The following TANGO6 variants were observed in gnomAD, a reference collection of about 807,000 sequenced individuals.
The protein encoded by TANGO6 is transport and Golgi organization protein 6 homolog.
Under a neutral mutation model 114.2 loss-of-function variants are expected in TANGO6, and 90 were observed. That is an observed-to-expected ratio of 0.79 (90% confidence interval 0.66 to 0.94). The LOEUF is 0.94. Ranked by LOEUF, TANGO6 falls within the 40% of genes least tolerant of loss-of-function variation. The pLI is 0.00. For synonymous variants in TANGO6, 477 were observed against 509.8 expected (o/e 0.94, Z 0.87); for missense variants, 1,274 against 1,315.3 (o/e 0.97, Z 0.49).
intron 1 of TANGO6, among the ~76,000 whole-genome samples, chr16:68,846,087 G>T (rs62055790): frequency 1.3e-5 from 2 of 151,882 alleles, no homozygotes; most frequent in African/African-American, 4.8e-5. Flanking sequence ...GTGCAGTGGC[G>T]CAATCTCAGC....
At chr16:68,890,942 T>G (rs1215623424) in intron 7 of TANGO6, among the ~76,000 whole-genome samples, 1 of 151,848 alleles carries the variant, frequency 6.6e-6, no homozygotes, top group East Asian at 1.9e-4. Context: ...GGAGAATTAC[T>G]TGAACTTGGG....
intron 17 of TANGO6, among the ~76,000 whole-genome samples, chr16:69,065,481 G>GA (rs1960201379): frequency 6.6e-6 from 1 of 151,932 alleles, no homozygotes; most frequent in African/African-American, 2.4e-5. Flanking sequence ...TTTTTCTCAG[G>GA]AAAAACCACA....
intron 17 of TANGO6, among the ~76,000 whole-genome samples, chr16:69,060,662 C>T (rs1203199267): frequency 6.6e-6 from 1 of 151,806 alleles, no homozygotes; most frequent in Non-Finnish European, 1.5e-5. Context: ...TTCGTACCCA[C>T]CTTTGCAATA....
intron 7 of TANGO6, among the ~76,000 whole-genome samples, chr16:68,896,571 A>G (rs1410854296): frequency 1.3e-5 from 2 of 152,082 alleles, no homozygotes; most frequent in Admixed American, 1.3e-4. Context: ...TCAGCCTCAA[A>G]GTGCTGGGAT....
intron 14 of TANGO6, among the ~76,000 whole-genome samples, chr16:68,960,858 T>C (rs1358024415): frequency 6.6e-6 from 1 of 152,176 alleles, no homozygotes; most frequent in Non-Finnish European, 1.5e-5. Flanking sequence ...TTTAGGGGGC[T>C]TGCAGTAGCC....
At chr16:68,926,079 A>G (rs201800447) in intron 12 of TANGO6, among the ~76,000 whole-genome samples, 25,895 of 151,378 alleles carry the variant, frequency 0.17, 2,488 homozygotes, top group African/African-American at 0.26. Flanking sequence ...AAGAGAAATT[A>G]AAAAAGAGGC....
At chr16:69,043,012 C>T (rs985296719) in intron 17 of TANGO6, among the ~76,000 whole-genome samples, 1 of 152,044 alleles carries the variant, frequency 6.6e-6, no homozygotes, top group Non-Finnish European at 1.5e-5. Context: ...ATCACTTGAG[C>T]CCAAGAGTTC....
At position 68,859,885 on chromosome 16, in the gene TANGO6, C is replaced by T; in HGVS notation, c.96C>T (p.Gly32=). The change falls in exon 2 of 18, where the codon GGC becomes GGT. Residue 32 remains glycine (G), a splice_region_variant and synonymous_variant. Coordinates refer to ENST00000261778, the MANE Select transcript of TANGO6 (RefSeq NM_024562.2). ...TCTCCTTTTTTTCTTCTTCAAAAGG[C>T]TCGGGCTCAAGTTCACTACAGGTCA... ...EALKLLLSPG[G]SGSSSLQVTK... is the part of the protein sequence containing the mutation. The T allele has an allele frequency of 1.3e-6, 2 of 1,553,186 alleles. No individual in the cohort carries two copies. Among genetic ancestry groups the T allele is most frequent in the Non-Finnish European group, 1.7e-6 (2 of 1,154,274 alleles).
chr16:69,018,841 C>T (rs1278784176), intron 15 of TANGO6, among the ~76,000 whole-genome samples: 4 of 151,954 alleles, frequency 2.6e-5, no homozygotes, highest in African/African-American at 9.7e-5. Flanking sequence ...GCCCGGGAGG[C>T]GGAGCTTGCA....
At chr16:69,016,213 G>A (rs1181020317) in intron 15 of TANGO6, among the ~76,000 whole-genome samples, 1 of 152,180 alleles carries the variant, frequency 6.6e-6, no homozygotes, top group Non-Finnish European at 1.5e-5. Context: ...GCACATTGGA[G>A]TACTGTGGGC....
chr16:68,994,831 C>T (rs1389615225), intron 15 of TANGO6, among the ~76,000 whole-genome samples: 11 of 152,028 alleles, frequency 7.2e-5, no homozygotes, highest in African/African-American at 2.7e-4. Context: ...GCAATTCTCC[C>T]GCCTCAGCCT....
chr16:68,881,344 T>G (rs1371000472), intron 7 of TANGO6, among the ~76,000 whole-genome samples: 1 of 151,532 alleles, frequency 6.6e-6, no homozygotes, highest in African/African-American at 2.4e-5. Context: ...CGAAACCCTA[T>G]CTCTACTAAA....
intron 17 of TANGO6, among the ~76,000 whole-genome samples, chr16:69,041,894 A>G (rs969351247): frequency 1.8e-4 from 27 of 152,182 alleles, no homozygotes; most frequent in Admixed American, 1.8e-3. Context: ...CATTTCTATA[A>G]TCTTTGTGGC....
At chr16:68,866,382 G>C (rs1160291967) in intron 3 of TANGO6, among the ~76,000 whole-genome samples, 1 of 151,774 alleles carries the variant, frequency 6.6e-6, no homozygotes, top group African/African-American at 2.4e-5. Context: ...CCAGCACTTT[G>C]GGAGGCCGAG....
At chr16:68,965,372 C>T (rs184794466) in intron 14 of TANGO6, among the ~76,000 whole-genome samples, 1 of 152,208 alleles carries the variant, frequency 6.6e-6, no homozygotes, top group Non-Finnish European at 1.5e-5. Flanking sequence ...AATTCATTTT[C>T]CCCCTCTTTC....
intron 12 of TANGO6, 55 bp from the exon 13 acceptor site, chr16:68,927,513 A>G: frequency 6.4e-7 from 1 of 1,570,428 alleles, no homozygotes; most frequent in Non-Finnish European, 8.7e-7. Flanking sequence ...TGCTCAGGTC[A>G]TATTGAAATT....
Position 69,022,831 on chromosome 16 carries a change from A to G in TANGO6, c.2846A>G (p.Asp949Gly). ...GATTTCTTCCTTTTTCCTATAGGAG[A>G]CATGGTCTCAAAGTACCGAGAACCT... ...VLMRIVRALG[D>G]MVSKYREPLI... is the part of the protein sequence containing the mutation. Residue 949 changes from aspartate (D) to glycine (G), a missense_variant, in exon 16 of 18, where the codon GAC becomes GGC. By Grantham distance (94) the Asp-to-Gly change is moderately conservative. This residue lies in a region of TANGO6 where 238 missense variants were observed against 252.9 expected (regional missense o/e 0.94). Transcript: ENST00000261778. 1 of 1,575,690 alleles carries G rather than the reference A, an allele frequency of 6.3e-7. No homozygotes were observed. The highest frequency in any genetic ancestry group is 1.3e-5 in the African/African-American group (1 of 74,228).
intron 1 of TANGO6, among the ~76,000 whole-genome samples, chr16:68,859,623 CAT>C (rs1316671762): frequency 9.9e-5 from 15 of 152,194 alleles, no homozygotes; most frequent in African/African-American, 3.4e-4. Flanking sequence ...GCCCTAAAAA[CAT>C]GTGGGGAATA....
At chr16:68,900,284 CAT>C in intron 7 of TANGO6, 148 bp from the exon 8 acceptor site, 1 of 630,492 alleles carries the variant, frequency 1.6e-6, no homozygotes, top group Non-Finnish European at 2.8e-6. Context: ...GTTTCATTGC[CAT>C]ATCTGAGCAC....
Sources: allele counts gnomAD v4.1 joint callset (sites outside exome capture counted in the v4.1 genomes callset), GRCh38; gene constraint gnomAD v4.1.1; regional missense constraint gnomAD v4.1.1; transcripts MANE v1.5; gene names NCBI Gene and HGNC (gene_info 2026-07-23, HGNC 2026-07-21).